Variants in EPDR1 observed in about 807,000 individuals in gnomAD.
EPDR1 encodes ependymin related 1, also known as mammalian ependymin-related protein 1.
EPDR1 carries 27 observed loss-of-function variants against 23.7 expected under a neutral mutation model. That is an observed-to-expected ratio of 1.14 (90% confidence interval 0.84 to 1.57). The LOEUF (loss-of-function observed/expected upper bound fraction) is 1.57, where lower values mean the gene tolerates loss of function less well. Among genes scored for constraint, EPDR1 ranks in the 40% most tolerant of loss-of-function variants. The probability of loss-of-function intolerance (pLI) is 0.00; values close to 1 mark genes in which losing one functional copy is unlikely to be tolerated. For missense variants in EPDR1, 349 were observed against 290.4 expected (o/e 1.20, Z -1.47); for synonymous variants, 137 against 118.2 (o/e 1.16, Z -1.03).
chr7:37,934,377 C>G (rs1365127245), intron 1 of EPDR1, among the ~76,000 whole-genome samples: 1 of 152,142 alleles, frequency 6.6e-6, no homozygotes, highest in African/African-American at 2.4e-5. Flanking sequence ...AGCATTATAT[C>G]CTCTCCCAAC....
chr7:37,922,256 CA>C (rs746432133), intron 1 of EPDR1, among the ~76,000 whole-genome samples: 2 of 152,136 alleles, frequency 1.3e-5, no homozygotes, highest in African/African-American at 2.4e-5. Context: ...TTGATAATAT[CA>C]TTTATTCTAA....
intron 1 of EPDR1, among the ~76,000 whole-genome samples, chr7:37,936,840 T>C (rs1049307673): frequency 2.6e-5 from 4 of 152,144 alleles, no homozygotes; most frequent in Non-Finnish European, 5.9e-5. Flanking sequence ...ATCATAAAGA[T>C]ATCAGTTCTC....
intron 1 of EPDR1, among the ~76,000 whole-genome samples, chr7:37,931,518 T>A (rs528248282): frequency 1.1e-3 from 158 of 147,248 alleles, no homozygotes; most frequent in Admixed American, 2.6e-3. Flanking sequence ...CATAAAAAAA[T>A]AAATAAATAA....
At chr7:37,929,869 A>C (rs1286410112) in intron 1 of EPDR1, among the ~76,000 whole-genome samples, 1 of 152,118 alleles carries the variant, frequency 6.6e-6, no homozygotes, top group Non-Finnish European at 1.5e-5. Flanking sequence ...CTTGTGCCTC[A>C]ATTTCAATTT....
Position 37,920,896 on chromosome 7 carries a change from C to G in EPDR1, c.-44C>G. ...TCTGATCCCGGACGCCTCAGCGCCCCCTTGGGCTTGGGCTTGCCCTCGGGC... is the reference window on the plus strand; with the variant it reads ...TCTGATCCCGGACGCCTCAGCGCCCGCTTGGGCTTGGGCTTGCCCTCGGGC... On this transcript the variant is annotated 5_prime_UTR_variant, in exon 1 of 3. Coordinates refer to ENST00000199448, the MANE Select transcript of EPDR1 (RefSeq NM_017549.5). The G allele has an allele frequency of 6.2e-7, 1 of 1,611,556 alleles. No homozygotes were observed. Among genetic ancestry groups the G allele is most frequent in the South Asian group, 1.1e-5 (1 of 90,956 alleles).
At chr7:37,930,185 C>A (rs1234097942) in intron 1 of EPDR1, among the ~76,000 whole-genome samples, 2 of 152,150 alleles carry the variant, frequency 1.3e-5, no homozygotes, top group Admixed American at 6.5e-5. Flanking sequence ...AGAATGTGGG[C>A]CCTGCCGATG....
chr7:37,942,544 G>A (rs1786188757), intron 1 of EPDR1, among the ~76,000 whole-genome samples: 1 of 152,138 alleles, frequency 6.6e-6, no homozygotes, highest in Non-Finnish European at 1.5e-5. Context: ...TTACTGAACT[G>A]TACACTTAAA....
intron 1 of EPDR1, among the ~76,000 whole-genome samples, chr7:37,942,616 A>C (rs893132635): frequency 1.3e-5 from 2 of 152,192 alleles, no homozygotes; most frequent in Non-Finnish European, 2.9e-5. Context: ...ATAAAAATTT[A>C]GATATAAAAA....
chr7:37,932,346 A>C (rs1321236838), intron 1 of EPDR1, among the ~76,000 whole-genome samples: 2 of 152,220 alleles, frequency 1.3e-5, no homozygotes, highest in East Asian at 3.9e-4. Context: ...TATGTTGCCC[A>C]AGCTGGCCTC....
chr7:37,950,049 G>A (rs1329518890), intron 2 of EPDR1, 151 bp from the exon 3 acceptor site: 6 of 557,312 alleles, frequency 1.1e-5, no homozygotes, highest in Non-Finnish European at 1.9e-5. Flanking sequence ...GGTGCTGATG[G>A]TCAACAAATG....
chr7:37,938,141 C>T (rs941653701), intron 1 of EPDR1, among the ~76,000 whole-genome samples: 3 of 151,800 alleles, frequency 2.0e-5, no homozygotes, highest in Admixed American at 2.0e-4. Context: ...CAGGTGTCAG[C>T]CACCATGCCT....
At chr7:37,931,864 AATTT>A (rs1031714964) in intron 1 of EPDR1, among the ~76,000 whole-genome samples, 6 of 151,750 alleles carry the variant, frequency 4.0e-5, no homozygotes, top group Admixed American at 6.6e-5. Flanking sequence ...GCACCCGCCT[AATTT>A]ATTTATTTAT....
intron 1 of EPDR1, among the ~76,000 whole-genome samples, chr7:37,927,745 A>C (rs371969818): frequency 6.6e-6 from 1 of 152,092 alleles, no homozygotes; most frequent in South Asian, 2.1e-4. Flanking sequence ...CATGGATTGG[A>C]TTTTCATTTT....
intron 1 of EPDR1, among the ~76,000 whole-genome samples, chr7:37,933,463 C>A (rs1205108968): frequency 6.6e-6 from 1 of 152,194 alleles, no homozygotes; most frequent in Non-Finnish European, 1.5e-5. Context: ...TGATCCCGTA[C>A]TTAACTACGA....
intron 1 of EPDR1, among the ~76,000 whole-genome samples, chr7:37,935,466 A>G (rs1426328513): frequency 6.6e-6 from 1 of 152,192 alleles, no homozygotes; most frequent in African/African-American, 2.4e-5. Context: ...CATTTATATA[A>G]CAATTTTATA....
intron 1 of EPDR1, among the ~76,000 whole-genome samples, chr7:37,931,510 TA>T (rs1785938343): frequency 6.8e-6 from 1 of 147,722 alleles, no homozygotes; most frequent in African/African-American, 2.5e-5. Flanking sequence ...CAAGACTCCA[TA>T]AAAAAATAAA....
intron 1 of EPDR1, among the ~76,000 whole-genome samples, chr7:37,939,856 C>G (rs905304896): frequency 7.2e-5 from 11 of 152,140 alleles, no homozygotes; most frequent in African/African-American, 2.7e-4. Flanking sequence ...GATAGGCATG[C>G]AAAATAGTAC....
intron 1 of EPDR1, among the ~76,000 whole-genome samples, chr7:37,940,796 G>GT (rs200174819): frequency 0.011 from 1,398 of 130,646 alleles, 20 homozygotes; most frequent in African/African-American, 0.035. Context: ...ATGAATTCGA[G>GT]TTTTTTTTTT....
At chr7:37,923,922 T>A (rs529227490) in intron 1 of EPDR1, among the ~76,000 whole-genome samples, 36 of 152,288 alleles carry the variant, frequency 2.4e-4, no homozygotes, top group Middle Eastern at 6.8e-3. Context: ...ATGGCCAAGG[T>A]TGGTCCCATC....
Sources: allele counts gnomAD v4.1 joint callset (sites outside exome capture counted in the v4.1 genomes callset), GRCh38; gene constraint gnomAD v4.1.1; transcripts MANE v1.5; gene names NCBI Gene and HGNC (gene_info 2026-07-23, HGNC 2026-07-21).